Variants in MED13L observed in about 807,000 individuals in gnomAD.
The protein encoded by MED13L is mediator complex subunit 13L, also known as mediator of RNA polymerase II transcription subunit 13-like.
MED13L carries 7 observed loss-of-function variants against 220.9 expected under a neutral mutation model. The observed-to-expected ratio is 0.03, with a 90% CI of 0.02 to 0.06. The LOEUF (loss-of-function observed/expected upper bound fraction) is 0.06, where lower values mean the gene tolerates loss of function less well. Ranked by LOEUF, MED13L falls within the 10% of genes least tolerant of loss-of-function variation. MED13L has a pLI of 1.00. For synonymous variants in MED13L, 1,011 were observed against 1,015.2 expected (o/e 1.00, Z 0.08); for missense variants, 1,965 against 2,760.5 (o/e 0.71, Z 6.46).
chr12:116,179,842 A>G (rs1880385816), intron 2 of MED13L, among the ~76,000 whole-genome samples: 1 of 152,164 alleles, frequency 6.6e-6, no homozygotes, highest in Admixed American at 6.5e-5. Context: ...TTAGATAATT[A>G]GTAGTTGTTT....
intron 1 of MED13L, among the ~76,000 whole-genome samples, chr12:116,264,684 G>A (rs1320960966): frequency 6.6e-6 from 1 of 152,098 alleles, no homozygotes; most frequent in Non-Finnish European, 1.5e-5. Flanking sequence ...AGCCAGGCTT[G>A]TTTTATCAAC....
chr12:116,081,939 A>G (rs753523881), intron 4 of MED13L, among the ~76,000 whole-genome samples: 11 of 152,232 alleles, frequency 7.2e-5, no homozygotes, highest in Non-Finnish European at 1.6e-4. Context: ...AATGTTTGGG[A>G]TGATCTATGA....
At chr12:116,163,685 T>C (rs1346578290) in intron 2 of MED13L, among the ~76,000 whole-genome samples, 1 of 152,150 alleles carries the variant, frequency 6.6e-6, no homozygotes, top group Non-Finnish European at 1.5e-5. Context: ...TTGAAAAGGG[T>C]ATTTACAAAA....
intron 2 of MED13L, chr12:116,230,423 T>A: frequency 1.1e-6 from 1 of 947,992 alleles, no homozygotes; most frequent in Non-Finnish European, 1.3e-6. Flanking sequence ...AAAAGTAAAA[T>A]GAAACTTACT....
At chr12:116,112,634 A>G (rs1024939701) in intron 2 of MED13L, among the ~76,000 whole-genome samples, 1 of 152,206 alleles carries the variant, frequency 6.6e-6, no homozygotes, top group Non-Finnish European at 1.5e-5. Context: ...TTCCCAAAGC[A>G]ATCTCTGTCT....
intron 7 of MED13L, among the ~76,000 whole-genome samples, chr12:116,018,938 T>C (rs1879891392): frequency 6.6e-6 from 1 of 151,560 alleles, no homozygotes; most frequent in Non-Finnish European, 1.5e-5. Context: ...ATTTTATCTA[T>C]ATGTGAACAC....
intron 2 of MED13L, chr12:116,231,927 T>C (rs765867574): frequency 9.8e-6 from 2 of 203,416 alleles, no homozygotes; most frequent in Non-Finnish European, 1.7e-5. Context: ...ATCCCACCAT[T>C]TGGAATTGTA....
intron 5 of MED13L, among the ~76,000 whole-genome samples, chr12:116,022,236 A>G (rs1880102177): frequency 6.6e-6 from 1 of 152,232 alleles, no homozygotes; most frequent in African/African-American, 2.4e-5. Flanking sequence ...TACACATAAG[A>G]CCATCTTATA....
At chr12:116,276,557 T>A in intron 1 of MED13L, 1 of 1,249,540 alleles carries the variant, frequency 8.0e-7, no homozygotes, top group South Asian at 1.3e-5. Context: ...ACAATCGCAT[T>A]CAATCAACTA....
At chr12:115,996,128 T>C (rs1490700396) in intron 16 of MED13L, among the ~76,000 whole-genome samples, 1 of 152,088 alleles carries the variant, frequency 6.6e-6, no homozygotes, top group Non-Finnish European at 1.5e-5. Flanking sequence ...TCTCACTCTG[T>C]CGCCCAGGCT....
chr12:116,254,710 T>C (rs1027470458), intron 1 of MED13L, among the ~76,000 whole-genome samples: 3 of 151,250 alleles, frequency 2.0e-5, no homozygotes, highest in African/African-American at 7.4e-5. Flanking sequence ...TCAGCTGAGA[T>C]CGCACCATTG....
chr12:116,074,125 T>C (rs879790862), intron 4 of MED13L, among the ~76,000 whole-genome samples: 2 of 152,250 alleles, frequency 1.3e-5, no homozygotes, highest in Non-Finnish European at 2.9e-5. Context: ...CCGGGCATGG[T>C]GGCTCATGCC....
chr12:116,035,013 A>G (rs936392222), intron 4 of MED13L, among the ~76,000 whole-genome samples: 1 of 152,162 alleles, frequency 6.6e-6, no homozygotes, highest in African/African-American at 2.4e-5. Context: ...AAAAACAAAA[A>G]CAAAACAAAA....
intron 2 of MED13L, among the ~76,000 whole-genome samples, chr12:116,138,364 A>AG (rs1876766322): frequency 6.6e-6 from 1 of 152,218 alleles, no homozygotes; most frequent in African/African-American, 2.4e-5. Flanking sequence ...CAGGGACTGG[A>AG]GTACAGGACA....
At chr12:116,260,280 A>G (rs529636910) in intron 1 of MED13L, among the ~76,000 whole-genome samples, 2 of 152,322 alleles carry the variant, frequency 1.3e-5, no homozygotes, top group South Asian at 4.1e-4. Flanking sequence ...CTGTGCCAAT[A>G]AGTGCACTCA....
At chr12:116,046,757 A>C (rs937071138) in intron 4 of MED13L, among the ~76,000 whole-genome samples, 3 of 152,104 alleles carry the variant, frequency 2.0e-5, no homozygotes, top group Non-Finnish European at 4.4e-5. Flanking sequence ...ACGGATCACG[A>C]GGTCAGGAGA....
At chr12:116,115,910 T>C (rs1677015416) in intron 2 of MED13L, among the ~76,000 whole-genome samples, 1 of 152,232 alleles carries the variant, frequency 6.6e-6, no homozygotes, top group African/African-American at 2.4e-5. Flanking sequence ...ATACTGCTGG[T>C]TGGAATGCAA....
intron 2 of MED13L, among the ~76,000 whole-genome samples, chr12:116,219,086 C>T (rs1257771380): frequency 6.6e-6 from 1 of 152,078 alleles, no homozygotes; most frequent in East Asian, 1.9e-4. Flanking sequence ...GTAAAATAGC[C>T]AATTACATAC....
At position 116,253,702 on chromosome 12, in the gene MED13L, T is replaced by C. The variant is rs566550057; in HGVS notation, c.73-15997A>G. ...CAAAACCTATGATCATCTCAATAGA[T>C]GCAGAAAAAACATTTAACAAAAATC... On this transcript the variant is annotated intron_variant, in intron 1 of 30. Transcript: ENST00000281928. Among the ~76,000 whole-genome samples the C allele has an allele frequency of 2.7e-5, 4 of 149,816 alleles. No homozygotes were observed. The South Asian group carries it at 8.4e-4, about 31-fold the overall frequency.
Sources: gnomAD v4.1 joint callset for allele counts (sites outside exome capture counted in the v4.1 genomes callset) on GRCh38, gnomAD v4.1.1 for gene constraint, MANE v1.5 for transcripts, NCBI Gene and HGNC (gene_info 2026-07-23, HGNC 2026-07-21) for gene names.